The following DNAAF11 variants were observed in gnomAD, a reference collection of about 807,000 sequenced individuals.
DNAAF11 encodes leucine rich repeat containing 6.
Under a neutral mutation model 60.8 loss-of-function variants are expected in DNAAF11, and 45 were observed. The ratio of observed to expected loss-of-function variants is 0.74; its 90% CI spans 0.58 to 0.95. The LOEUF (loss-of-function observed/expected upper bound fraction) is 0.95, where lower values mean the gene tolerates loss of function less well. Ranked by LOEUF, DNAAF11 falls within the 40% of genes least tolerant of loss-of-function variation. The probability of loss-of-function intolerance (pLI) is 0.00; values close to 1 mark genes in which losing one functional copy is unlikely to be tolerated. For synonymous variants in DNAAF11, 191 were observed against 183.5 expected, an observed-to-expected ratio of 1.04 and a Z score of -0.33; for missense variants, 546 against 546.2, an observed-to-expected ratio of 1.00 and a Z score of 0.00.
intron 8 of DNAAF11, among the ~76,000 whole-genome samples, chr8:132,612,718 T>C (rs1245321097): frequency 6.6e-6 from 1 of 152,196 alleles, no homozygotes; most frequent in African/African-American, 2.4e-5. Context: ...AGGTATTCTA[T>C]AGATGCTTGT....
chr8:132,661,672 C>T (rs1824153074), intron 1 of DNAAF11, 45 bp from the exon 2 acceptor site: 1 of 1,563,412 alleles, frequency 6.4e-7, no homozygotes, highest in Non-Finnish European at 8.8e-7. Flanking sequence ...CCCCATTGTT[C>T]AATATAAGAT....
chr8:132,623,903 C>T (rs932032054), intron 6 of DNAAF11, among the ~76,000 whole-genome samples: 1 of 151,978 alleles, frequency 6.6e-6, no homozygotes, highest in Non-Finnish European at 1.5e-5. Flanking sequence ...CTGCTTACAC[C>T]GAATTAATAA....
chr8:132,619,209 A>G (rs1176085614), intron 7 of DNAAF11, among the ~76,000 whole-genome samples: 1 of 152,052 alleles, frequency 6.6e-6, no homozygotes, highest in East Asian at 1.9e-4. Flanking sequence ...CAAAAAACCA[A>G]ACACCACATG....
At chr8:132,669,676 C>A (rs1277264953) in intron 1 of DNAAF11, among the ~76,000 whole-genome samples, 1 of 152,058 alleles carries the variant, frequency 6.6e-6, no homozygotes, top group African/African-American at 2.4e-5. Flanking sequence ...ATAAGATTAG[C>A]AGTGACGTCA....
At chr8:132,667,554 T>C (rs1335092140) in intron 1 of DNAAF11, among the ~76,000 whole-genome samples, 3 of 152,192 alleles carry the variant, frequency 2.0e-5, no homozygotes, top group Non-Finnish European at 4.4e-5. Context: ...AACATATTGC[T>C]TTCACTTCCT....
At chr8:132,693,920 A>T in the DNAAF11 span, among the ~76,000 whole-genome samples, 1 of 152,194 alleles carries the variant, frequency 6.6e-6, no homozygotes, top group African/African-American at 2.4e-5. Context: ...GAAGGCTTTG[A>T]GAACTTTGGC....
At chr8:132,627,677 G>T (rs1228880616) in intron 5 of DNAAF11, among the ~76,000 whole-genome samples, 1 of 152,134 alleles carries the variant, frequency 6.6e-6, no homozygotes, top group African/African-American at 2.4e-5. Context: ...CGGGAAGAGG[G>T]ACACCCTCTC....
At chr8:132,599,952 G>A (rs1297120802) in intron 10 of DNAAF11, among the ~76,000 whole-genome samples, 2 of 152,088 alleles carry the variant, frequency 1.3e-5, no homozygotes, top group Non-Finnish European at 2.9e-5. Flanking sequence ...GAAATAAAGG[G>A]TACTCAATTA....
chr8:132,575,717 A>G (rs982139766), intron 11 of DNAAF11, among the ~76,000 whole-genome samples: 1 of 152,196 alleles, frequency 6.6e-6, no homozygotes, highest in African/African-American at 2.4e-5. Context: ...TTGAGGAGGA[A>G]GAACATTCCA....
intron 7 of DNAAF11, among the ~76,000 whole-genome samples, chr8:132,615,408 T>C (rs2130087327): frequency 1.3e-5 from 2 of 152,366 alleles, no homozygotes; most frequent in South Asian, 2.1e-4. Flanking sequence ...CCATCTCATA[T>C]GAGTTTGCCA....
the DNAAF11 span, among the ~76,000 whole-genome samples, chr8:132,690,537 C>T: frequency 3.9e-5 from 6 of 152,098 alleles, no homozygotes; most frequent in Admixed American, 2.0e-4. Flanking sequence ...TGGACTGATA[C>T]AATTAGCATA....
intron 7 of DNAAF11, among the ~76,000 whole-genome samples, chr8:132,621,423 G>A (rs13270306): frequency 0.49 from 74,157 of 151,982 alleles, 20,670 homozygotes; most frequent in African/African-American, 0.77. Context: ...ATCACATGTC[G>A]GGAGGCAGTG....
Position 132,674,127 on chromosome 8 carries a change from G to A in DNAAF11, c.10+1357C>T, listed in dbSNP as rs867995678. ...GGAGGAGGAGCAGGAGGAGGAGGAG[G>A]AGGAGGAGAAGGAGGAGGAAGAGGA... On this transcript the variant is annotated intron_variant, in intron 1 of 11. Coordinates refer to ENST00000620350, the MANE Select transcript of DNAAF11 (RefSeq NM_012472.6). 4.3e-4 allele frequency among the ~76,000 whole-genome samples: 56 copies of A among 129,198 alleles called. 1 individual carries two copies. Among genetic ancestry groups the A allele is most frequent in the African/African-American group, 2.1e-3 (54 of 25,528 alleles). The allele number at this position is 129,198 out of a possible 152,430, so 84.8% of individuals were successfully genotyped here.
At chr8:132,640,141 T>C (rs535364416) in intron 3 of DNAAF11, among the ~76,000 whole-genome samples, 18 of 152,206 alleles carry the variant, frequency 1.2e-4, no homozygotes, top group Non-Finnish European at 2.5e-4. Flanking sequence ...ATCTGCTGCA[T>C]ATGGCACAAT....
intron 3 of DNAAF11, among the ~76,000 whole-genome samples, chr8:132,647,697 C>A (rs1054037894): frequency 6.6e-6 from 1 of 152,166 alleles, no homozygotes; most frequent in Admixed American, 6.5e-5. Flanking sequence ...ACCGATCCCA[C>A]AGAAATTCAA....
intron 7 of DNAAF11, among the ~76,000 whole-genome samples, chr8:132,616,418 G>A (rs1448052963): frequency 6.6e-6 from 1 of 152,142 alleles, no homozygotes; most frequent in African/African-American, 2.4e-5. Flanking sequence ...CCAAGCAAGA[G>A]TTAGTGTCCA....
In DNAAF11 at chr8:132,620,321, G is replaced by T. The variant is rs933179997; in HGVS notation, c.914+2290C>A. ...AAGAAAGCTGAAGACAAACGACAAG[G>T]ACTGATTTCATTTTTCTTTTCCTTT... is the stretch of plus-strand genomic sequence containing the variant. On this transcript the variant is annotated intron_variant, in intron 7 of 11. Transcript: ENST00000620350. 3.3e-5 allele frequency among the ~76,000 whole-genome samples: 5 copies of T among 152,186 alleles called. No individual in the cohort carries two copies. In the South Asian group the frequency reaches 1.0e-3, roughly 32 times the overall value.
intron 4 of DNAAF11, among the ~76,000 whole-genome samples, chr8:132,636,017 G>C (rs185500350): frequency 6.6e-6 from 1 of 151,762 alleles, no homozygotes; most frequent in African/African-American, 2.4e-5. Context: ...GAACTTGAAC[G>C]TCTGGCCTTC....
chr8:132,572,614 G>T, intron 11 of DNAAF11, 134 bp from the exon 12 acceptor site: 1 of 550,118 alleles, frequency 1.8e-6, no homozygotes. Context: ...TAAAAGGAGA[G>T]AATGTCCCTA....
Sources: gnomAD v4.1 joint callset for allele counts (sites outside exome capture counted in the v4.1 genomes callset) on GRCh38, gnomAD v4.1.1 for gene constraint, MANE v1.5 for transcripts, NCBI Gene and HGNC (gene_info 2026-07-23, HGNC 2026-07-21) for gene names.